The following GSG1L variants were observed in gnomAD, a reference collection of about 807,000 sequenced individuals.
GSG1L encodes GSG1 like.
A neutral mutation model predicts 42.1 loss-of-function variants in GSG1L; 24 were observed. That is an observed-to-expected ratio of 0.57 (90% CI 0.41 to 0.80). The LOEUF is 0.80. Among genes scored for constraint, GSG1L ranks in the 30% least tolerant of loss-of-function variants. GSG1L has a pLI of 0.00. For missense variants in GSG1L, 445 were observed against 472.2 expected, an observed-to-expected ratio of 0.94 and a Z score of 0.53; for synonymous variants, 215 against 203.5, an observed-to-expected ratio of 1.06 and a Z score of -0.48.
At chr16:27,923,629 C>CTACT (rs2084553728) in intron 2 of GSG1L, among the ~76,000 whole-genome samples, 2 of 151,596 alleles carry the variant, frequency 1.3e-5, no homozygotes, top group Non-Finnish European at 2.9e-5. Context: ...GTGGTCCCAG[C>CTACT]TACTTGGGAG....
At chr16:27,820,326 A>T (rs1266487701) in intron 5 of GSG1L, among the ~76,000 whole-genome samples, 2 of 152,100 alleles carry the variant, frequency 1.3e-5, no homozygotes, top group Non-Finnish European at 2.9e-5. Flanking sequence ...GAAACCAGAG[A>T]CGGCGTCGGC....
At chr16:27,976,833 C>T (rs967078619) in intron 1 of GSG1L, among the ~76,000 whole-genome samples, 2 of 152,202 alleles carry the variant, frequency 1.3e-5, no homozygotes, top group Non-Finnish European at 2.9e-5. Context: ...AATGTCCACC[C>T]CACTCTCCCG....
chr16:27,793,290 C>T (rs1294437627), intron 6 of GSG1L, among the ~76,000 whole-genome samples: 1 of 152,148 alleles, frequency 6.6e-6, no homozygotes, highest in East Asian at 1.9e-4. Flanking sequence ...TTGGCTTTCA[C>T]TTTTTTCTTT....
intron 3 of GSG1L, among the ~76,000 whole-genome samples, chr16:27,867,093 C>T (rs181703237): frequency 5.3e-5 from 8 of 152,322 alleles, no homozygotes; most frequent in African/African-American, 1.4e-4. Flanking sequence ...CAAGTATTTA[C>T]AGAGGCCACC....
intron 6 of GSG1L, among the ~76,000 whole-genome samples, chr16:27,794,640 C>T (rs1313584117): frequency 1.3e-5 from 2 of 152,144 alleles, no homozygotes; most frequent in African/African-American, 4.8e-5. Flanking sequence ...CCAAAACTTT[C>T]AAAGAAACTG....
intron 2 of GSG1L, among the ~76,000 whole-genome samples, chr16:27,940,859 T>A (rs1447622787): frequency 4.5e-5 from 6 of 133,484 alleles, no homozygotes; most frequent in Admixed American, 2.9e-4. Context: ...ATAATAATAA[T>A]AAAATAAAAT....
chr16:27,949,313 A>G (rs2084924991), intron 2 of GSG1L, among the ~76,000 whole-genome samples: 1 of 152,228 alleles, frequency 6.6e-6, no homozygotes, highest in African/African-American at 2.4e-5. Context: ...GGATGAGACT[A>G]AAATAATTAG....
chr16:27,895,121 A>G (rs1402214238), intron 2 of GSG1L, among the ~76,000 whole-genome samples: 2 of 152,230 alleles, frequency 1.3e-5, no homozygotes, highest in Non-Finnish European at 2.9e-5. Context: ...GGCTGAATCC[A>G]GCCCACAGAA....
At chr16:27,827,603 C>A (rs2083225285) in intron 5 of GSG1L, among the ~76,000 whole-genome samples, 1 of 152,082 alleles carries the variant, frequency 6.6e-6, no homozygotes. Context: ...ATGAACTCAT[C>A]CCCTGGAGGA....
At chr16:27,925,714 A>C (rs564930345) in intron 2 of GSG1L, among the ~76,000 whole-genome samples, 1 of 152,326 alleles carries the variant, frequency 6.6e-6, no homozygotes, top group African/African-American at 2.4e-5. Flanking sequence ...GGTGAGCTTC[A>C]CGGAACCAGT....
chr16:27,951,581 G>A (rs912991640), intron 2 of GSG1L, among the ~76,000 whole-genome samples: 7 of 152,254 alleles, frequency 4.6e-5, no homozygotes, highest in South Asian at 2.1e-4. Flanking sequence ...AGCCAGGGGT[G>A]TAAAGAGCAT....
At chr16:27,806,756 C>G (rs1328013521) in intron 6 of GSG1L, among the ~76,000 whole-genome samples, 3 of 152,164 alleles carry the variant, frequency 2.0e-5, no homozygotes, top group African/African-American at 7.2e-5. Context: ...ACTCCTCTGC[C>G]AGTGATTAGC....
At chr16:27,813,884 C>A (rs1254754947) in intron 5 of GSG1L, among the ~76,000 whole-genome samples, 10 of 152,200 alleles carry the variant, frequency 6.6e-5, no homozygotes, top group Admixed American at 6.5e-4. Flanking sequence ...GGCAGCATGA[C>A]CCTGTGCAGC....
intron 1 of GSG1L, among the ~76,000 whole-genome samples, chr16:27,993,624 T>C (rs1371311536): frequency 6.6e-6 from 1 of 151,822 alleles, no homozygotes; most frequent in South Asian, 2.1e-4. Flanking sequence ...TTTCCAGTGG[T>C]GTAAGTGAGA....
intron 3 of GSG1L, among the ~76,000 whole-genome samples, chr16:27,882,786 T>A (rs1709771): frequency 6.6e-6 from 1 of 151,816 alleles, no homozygotes; most frequent in Non-Finnish European, 1.5e-5. Context: ...AAGTTAGAAT[T>A]GTCTGATGAA....
chr16:27,922,962 A>AT (rs1393577042), intron 2 of GSG1L, among the ~76,000 whole-genome samples: 1 of 152,072 alleles, frequency 6.6e-6, no homozygotes, highest in African/African-American at 2.4e-5. Context: ...TAATGTTCTT[A>AT]TTTTTTGTAG....
intron 2 of GSG1L, among the ~76,000 whole-genome samples, chr16:27,952,915 A>G (rs2141097584): frequency 6.6e-6 from 1 of 152,316 alleles, no homozygotes; most frequent in South Asian, 2.1e-4. Context: ...AGCCCTCCGC[A>G]AGTTCCCTTT....
intron 2 of GSG1L, among the ~76,000 whole-genome samples, chr16:27,887,111 A>G (rs1008157422): frequency 2.5e-4 from 38 of 152,106 alleles, no homozygotes; most frequent in African/African-American, 8.9e-4. Context: ...ATGCACCACC[A>G]TGCCCAGCTT....
intron 1 of GSG1L, among the ~76,000 whole-genome samples, chr16:28,002,106 C>T (rs940925034): frequency 3.9e-5 from 6 of 152,114 alleles, no homozygotes; most frequent in African/African-American, 7.2e-5. Context: ...TTCAGTGGTG[C>T]GCAAGATGTG....
Sources: allele counts gnomAD v4.1 joint callset (sites outside exome capture counted in the v4.1 genomes callset), GRCh38; gene constraint gnomAD v4.1.1; transcripts MANE v1.5; gene names NCBI Gene and HGNC (gene_info 2026-07-23, HGNC 2026-07-21).